Variants in GXYLT2 observed in about 807,000 individuals in gnomAD.
GXYLT2 encodes glucoside xylosyltransferase 2, also known as glycosyltransferase 8 domain containing 4.
A neutral mutation model predicts 45.8 loss-of-function variants in GXYLT2; 53 were observed. The ratio of observed to expected loss-of-function variants is 1.16; its 90% CI spans 0.93 to 1.46. The LOEUF is 1.46. GXYLT2 is among the 40% of genes most tolerant of loss of function. The probability of loss-of-function intolerance (pLI) is 0.00; values close to 1 mark genes in which losing one functional copy is unlikely to be tolerated. For missense variants in GXYLT2, 551 were observed against 544.4 expected, an observed-to-expected ratio of 1.01 and a Z score of -0.12; for synonymous variants, 219 against 214.2, an observed-to-expected ratio of 1.02 and a Z score of -0.19.
chr3:72,910,240 A>C lies in GXYLT2; in HGVS notation c.468+1681A>C, dbSNP rs114502601. 7.9e-3 allele frequency among the ~76,000 whole-genome samples: 1,201 copies of C among 152,274 alleles called. 16 individuals are homozygous for C. Among genetic ancestry groups the C allele is most frequent in the African/African-American group, 0.027 (1,130 of 41,542 alleles). On this transcript the variant is annotated intron_variant, in intron 2 of 6. Coordinates refer to ENST00000389617, the MANE Select transcript of GXYLT2 (RefSeq NM_001080393.2). Reference sequence around the variant, plus strand: ...TTGAAGAAGGTAATTATTATGTCCCAATTTTACAGACTGAGATCATTGAGC... The same window carrying C: ...TTGAAGAAGGTAATTATTATGTCCCCATTTTACAGACTGAGATCATTGAGC...
At chr3:72,924,256 C>T (rs1458637912) in intron 3 of GXYLT2, among the ~76,000 whole-genome samples, 2 of 149,666 alleles carry the variant, frequency 1.3e-5, no homozygotes, top group Non-Finnish European at 3.0e-5. Context: ...TGCAGTGGTG[C>T]AGTCATGGCT....
chr3:72,954,439 G>GTATTTATATA (rs1482687436), intron 3 of GXYLT2, among the ~76,000 whole-genome samples: 1 of 149,336 alleles, frequency 6.7e-6, no homozygotes, highest in Non-Finnish European at 1.5e-5. Context: ...GTGTGTATTT[G>GTATTTATATA]TATTTATATA....
chr3:72,944,323 C>T (rs1002236671), intron 3 of GXYLT2, among the ~76,000 whole-genome samples: 4 of 150,228 alleles, frequency 2.7e-5, no homozygotes, highest in Non-Finnish European at 5.9e-5. Flanking sequence ...GACACAATCT[C>T]AGTTTACTGC....
chr3:72,913,582 C>T (rs1709677653), intron 2 of GXYLT2, among the ~76,000 whole-genome samples: 1 of 152,028 alleles, frequency 6.6e-6, no homozygotes, highest in African/African-American at 2.4e-5. Flanking sequence ...GTAGTCCCAG[C>T]TACTCGGGAG....
intron 5 of GXYLT2, among the ~76,000 whole-genome samples, chr3:72,959,979 T>C (rs1050246625): frequency 1.3e-5 from 2 of 152,122 alleles, no homozygotes; most frequent in South Asian, 4.1e-4. Flanking sequence ...GGAATCTCAC[T>C]CTGTCACCCA....
At chr3:72,920,265 G>A (rs1709807987) in intron 2 of GXYLT2, among the ~76,000 whole-genome samples, 1 of 152,092 alleles carries the variant, frequency 6.6e-6, no homozygotes, top group Non-Finnish European at 1.5e-5. Flanking sequence ...CTCCTGAGTA[G>A]CTGGGACTAC....
At chr3:72,911,363 C>G (rs1019450990) in intron 2 of GXYLT2, among the ~76,000 whole-genome samples, 2 of 152,116 alleles carry the variant, frequency 1.3e-5, no homozygotes, top group African/African-American at 4.8e-5. Context: ...TTGTACTTTC[C>G]AAGGAGGCCC....
chr3:72,894,107 T>C (rs1315419226), intron 1 of GXYLT2, among the ~76,000 whole-genome samples: 1 of 152,178 alleles, frequency 6.6e-6, no homozygotes, highest in Admixed American at 6.5e-5. Context: ...AGGAAATAAA[T>C]AGCCCCAGCT....
intron 3 of GXYLT2, among the ~76,000 whole-genome samples, chr3:72,937,518 G>A (rs947004126): frequency 1.3e-5 from 2 of 152,182 alleles, no homozygotes; most frequent in Non-Finnish European, 2.9e-5. Context: ...ACTCTTTGAG[G>A]AATATGCTCA....
At chr3:72,889,818 T>C (rs923465654) in intron 1 of GXYLT2, among the ~76,000 whole-genome samples, 1 of 151,662 alleles carries the variant, frequency 6.6e-6, no homozygotes, top group African/African-American at 2.4e-5. Context: ...TACATACAAA[T>C]AGTCACAGTT....
chr3:72,929,569 C>T (rs1209850883), intron 3 of GXYLT2: 13 of 1,116,404 alleles, frequency 1.2e-5, no homozygotes, highest in Non-Finnish European at 1.6e-5. Context: ...GACAAGCACA[C>T]GCTGGGAGAC....
chr3:72,949,273 T>C (rs1487888817), intron 3 of GXYLT2, among the ~76,000 whole-genome samples: 3 of 152,070 alleles, frequency 2.0e-5, no homozygotes, highest in Non-Finnish European at 4.4e-5. Flanking sequence ...CCATGCCCTC[T>C]CTTTTCACAT....
chr3:72,955,806 G>A (rs896717715), intron 4 of GXYLT2, among the ~76,000 whole-genome samples: 11 of 152,170 alleles, frequency 7.2e-5, no homozygotes, highest in African/African-American at 2.7e-4. Flanking sequence ...GGCCAGGGGT[G>A]GTGGCTCACA....
intron 6 of GXYLT2, among the ~76,000 whole-genome samples, chr3:72,973,932 A>C (rs1033594154): frequency 6.6e-6 from 1 of 152,216 alleles, no homozygotes; most frequent in African/African-American, 2.4e-5. Context: ...TCCTTCCGAG[A>C]AGAAACTGGC....
At chr3:72,893,801 G>A (rs1390532052) in intron 1 of GXYLT2, among the ~76,000 whole-genome samples, 2 of 151,308 alleles carry the variant, frequency 1.3e-5, no homozygotes, top group Non-Finnish European at 2.9e-5. Flanking sequence ...AGAGAGGAAT[G>A]TTTTTCCTTT....
intron 3 of GXYLT2, among the ~76,000 whole-genome samples, chr3:72,949,932 T>G (rs1710488223): frequency 6.6e-6 from 1 of 152,138 alleles, no homozygotes; most frequent in South Asian, 2.1e-4. Flanking sequence ...TATTGAGTCC[T>G]TGCTGTGTGT....
At position 72,905,064 on chromosome 3, in the gene GXYLT2, CAAAAAAA is replaced by C. The variant is rs1177216917; in HGVS notation, c.276-3285_276-3279del. Among the ~76,000 whole-genome samples the C allele has an allele frequency of 4.9e-3, 177 of 36,238 alleles. 1 individual carries two copies. In the East Asian group the frequency reaches 0.14, roughly 28 times the overall value. The allele number at this position is 36,238 out of a possible 152,430, so 23.8% of individuals were successfully genotyped here. On this transcript the variant is annotated intron_variant, in intron 1 of 6. Coordinates refer to ENST00000389617, the MANE Select transcript of GXYLT2 (RefSeq NM_001080393.2). ...TGGGCAACAGAGTGAGATTCTGTCT[CAAAAAAA>C]AAAAAAAAAAAAAAAAAGGAAAGAA...
At position 72,957,407 on chromosome 3, in the gene GXYLT2, C is replaced by T. The variant is rs142308948; in HGVS notation, c.976+55C>T. 2.5e-4 allele frequency: 384 copies of T among 1,518,062 alleles called. 1 individual carries two copies. The African/African-American group carries it at 2.8e-3, about 11-fold the overall frequency. 94.0% of individuals were successfully genotyped at this position (1,518,062 alleles called of 1,614,324 possible). On this transcript the variant is annotated intron_variant, in intron 5 of 6. Coordinates refer to ENST00000389617, the MANE Select transcript of GXYLT2 (RefSeq NM_001080393.2). ...GTAGGAGTACACTCAGCACACCCCA[C>T]GGAGCACATTCCATGCCCGGGTTGC...
rs956135670 is a variant in GXYLT2 at position 72,967,571 on chromosome 3, A to T, written c.1001A>T (p.Gln334Leu). ...GAGTGTCTCTATGTATTCCCCTGCC[A>T]GTGGAACTACCGTCCCGATCACTGC... ...NPECLYVFPC[Q>L]WNYRPDHCMY... The change falls in exon 6 of 7, where the codon CAG (glutamine) becomes CTG (leucine). Residue 334 changes from glutamine (Q) to leucine (L), a missense_variant. Transcript: ENST00000389617. 5.0e-6 allele frequency: 8 copies of T among 1,613,752 alleles called. No individual in the cohort carries two copies. In the African/African-American group the frequency reaches 1.1e-4, roughly 22 times the overall value.
Sources: gnomAD v4.1 joint callset for allele counts (sites outside exome capture counted in the v4.1 genomes callset) on GRCh38, gnomAD v4.1.1 for gene constraint, MANE v1.5 for transcripts, NCBI Gene and HGNC (gene_info 2026-07-23, HGNC 2026-07-21) for gene names.